The following GLRB variants were observed in gnomAD, a reference collection of about 807,000 sequenced individuals.
GLRB encodes the protein glycine receptor subunit beta.
In GLRB, 33 loss-of-function variants were observed where a neutral mutation model predicts 54.2. The ratio of observed to expected loss-of-function variants is 0.61; its 90% CI spans 0.46 to 0.81. The LOEUF is 0.81. GLRB is among the 40% of genes least tolerant of loss of function. GLRB has a pLI of 0.00. For missense variants in GLRB, 572 were observed against 584.6 expected, an observed-to-expected ratio of 0.98 and a Z score of 0.22; for synonymous variants, 209 against 208.2, an observed-to-expected ratio of 1.00 and a Z score of -0.03.
At chr4:157,076,465 G>A (rs1442270513) in intron 1 of GLRB, 168 bp downstream of exon 1, 1 of 144,126 alleles carries the variant, frequency 6.9e-6, no homozygotes, top group East Asian at 2.0e-4. Flanking sequence ...CCCTGCGCGG[G>A]AGAGGGGCGC....
chr4:157,137,639 G>A (rs887341679), intron 6 of GLRB, among the ~76,000 whole-genome samples: 2 of 152,114 alleles, frequency 1.3e-5, no homozygotes, highest in African/African-American at 4.8e-5. Context: ...CTTTGTGGTT[G>A]TTTTTTAAAT....
At chr4:157,090,787 CA>C (rs1235893177) in intron 2 of GLRB, among the ~76,000 whole-genome samples, 2 of 152,052 alleles carry the variant, frequency 1.3e-5, no homozygotes, top group South Asian at 2.1e-4. Flanking sequence ...TATACAACAT[CA>C]AAAAAATCAT....
chr4:157,122,087 T>C (rs1735843340), intron 3 of GLRB, among the ~76,000 whole-genome samples: 1 of 145,148 alleles, frequency 6.9e-6, no homozygotes, highest in East Asian at 2.3e-4. Context: ...GACATAATTC[T>C]TCCTGAAAAA....
intron 4 of GLRB, among the ~76,000 whole-genome samples, chr4:157,134,619 A>G (rs1736335216): frequency 6.6e-6 from 1 of 152,170 alleles, no homozygotes; most frequent in Admixed American, 6.6e-5. Flanking sequence ...GAAATAAAGC[A>G]TTCTAACTCT....
intron 2 of GLRB, among the ~76,000 whole-genome samples, chr4:157,104,421 T>G (rs1735147035): frequency 6.6e-6 from 1 of 152,108 alleles, no homozygotes; most frequent in Non-Finnish European, 1.5e-5. Flanking sequence ...TTGGTCATGG[T>G]GTATGATCCT....
At position 157,117,769 on chromosome 4, in the gene GLRB, A is replaced by G. The variant is rs185000535; in HGVS notation, c.123-2787A>G. ...AAGTACTTGAACCAATGTGTATTTA[A>G]TACTATAAAAACAGTAGGGAACTAC... On this transcript the variant is annotated intron_variant, in intron 2 of 9. Transcript: ENST00000264428. Among the ~76,000 whole-genome samples, 511 of 151,842 alleles carry G rather than the reference A, an allele frequency of 3.4e-3. 7 individuals carry two copies. Among genetic ancestry groups the G allele is most frequent in the South Asian group, 0.027 (130 of 4,832 alleles).
At chr4:157,116,241 T>C (rs1735605114) in intron 2 of GLRB, among the ~76,000 whole-genome samples, 1 of 151,806 alleles carries the variant, frequency 6.6e-6, no homozygotes, top group African/African-American at 2.4e-5. Context: ...AAAAGATGAC[T>C]GGTTGTAAAA....
chr4:157,143,715 G>A (rs1579235797), intron 7 of GLRB, 92 bp from the exon 8 acceptor site: 1 of 1,262,538 alleles, frequency 7.9e-7, no homozygotes, highest in South Asian at 1.3e-5. Flanking sequence ...TGCCTCAGAT[G>A]GAAGTGACTT....
chr4:157,116,304 G>A (rs1240633473), intron 2 of GLRB, among the ~76,000 whole-genome samples: 1 of 151,802 alleles, frequency 6.6e-6, no homozygotes, highest in East Asian at 1.9e-4. Context: ...CTTTGCCCAA[G>A]TAGAATAAGT....
In GLRB at chr4:157,102,886, G is replaced by T. The variant is rs1299399663; in HGVS notation, c.123-17670G>T. 2.0e-5 allele frequency among the ~76,000 whole-genome samples: 3 copies of T among 152,166 alleles called. No homozygotes were observed. In the East Asian group the frequency reaches 5.8e-4, roughly 29 times the overall value. ...CTCTATGTCAAAAGGTGAAGTAGGG[G>T]CTGGGGGCAGTGGCTCATGCCTGTA... On this transcript the variant is annotated intron_variant, in intron 2 of 9. Transcript: ENST00000264428.
In GLRB at chr4:157,170,430, A is replaced by C. The variant is rs1434742763; in HGVS notation, c.1198-2A>C. ...TACATTGTCTTCAATATTTATTCTT[A>C]GGTTGGTGAGACCAGATGCAAAAAA... On this transcript the variant is annotated splice_acceptor_variant, in intron 9 of 9. Transcript: ENST00000264428. LOFTEE classifies it high-confidence loss of function. 6.5e-7 allele frequency: 1 copy of C among 1,544,908 alleles called. No homozygotes were observed. Among genetic ancestry groups the C allele is most frequent in the African/African-American group, 1.4e-5 (1 of 73,660 alleles).
At chr4:157,121,483 A>T (rs1202104366) in intron 3 of GLRB, among the ~76,000 whole-genome samples, 2 of 151,210 alleles carry the variant, frequency 1.3e-5, no homozygotes, top group Admixed American at 1.3e-4. Context: ...CTTTAGAAAA[A>T]AAAAATAGGT....
intron 9 of GLRB, among the ~76,000 whole-genome samples, chr4:157,163,454 T>C (rs910352419): frequency 5.9e-5 from 9 of 152,170 alleles, no homozygotes; most frequent in Admixed American, 3.3e-4. Flanking sequence ...TTGGAACCTA[T>C]GATCATCACA....
intron 2 of GLRB, chr4:157,078,392 A>G (rs1269124278): frequency 5.0e-6 from 1 of 201,344 alleles, no homozygotes; most frequent in Non-Finnish European, 8.8e-6. Context: ...TAATTTTTAT[A>G]CACTGTTTAC....
intron 2 of GLRB, among the ~76,000 whole-genome samples, chr4:157,086,592 G>C (rs1734421249): frequency 6.6e-6 from 1 of 152,162 alleles, no homozygotes; most frequent in African/African-American, 2.4e-5. Flanking sequence ...CTGAAGAATA[G>C]AAATTACCTT....
At chr4:157,151,462 A>C (rs1042280904) in intron 8 of GLRB, among the ~76,000 whole-genome samples, 2 of 152,108 alleles carry the variant, frequency 1.3e-5, no homozygotes, top group Non-Finnish European at 2.9e-5. Context: ...TCTCTTAATT[A>C]GTTTTTAGTT....
chr4:157,102,485 G>A (rs971914831), intron 2 of GLRB, among the ~76,000 whole-genome samples: 2 of 151,954 alleles, frequency 1.3e-5, no homozygotes, highest in African/African-American at 4.8e-5. Flanking sequence ...TGTCCTCGGG[G>A]TTTATCTGTC....
intron 4 of GLRB, 157 bp from the exon 5 acceptor site, chr4:157,136,312 C>T: frequency 1.6e-6 from 1 of 631,664 alleles, no homozygotes; most frequent in Non-Finnish European, 2.9e-6. Flanking sequence ...TAATGGAGCT[C>T]TCCTTTAGTG....
intron 2 of GLRB, among the ~76,000 whole-genome samples, chr4:157,095,274 A>G (rs907064688): frequency 6.6e-6 from 1 of 150,892 alleles, no homozygotes; most frequent in Non-Finnish European, 1.5e-5. Flanking sequence ...GTAGGTCATC[A>G]TAAGAGTGAT....
Sources: gnomAD v4.1 joint callset for allele counts (sites outside exome capture counted in the v4.1 genomes callset) on GRCh38, gnomAD v4.1.1 for gene constraint, MANE v1.5 for transcripts, NCBI Gene and HGNC (gene_info 2026-07-23, HGNC 2026-07-21) for gene names.